Variants in PRKAA1 observed in about 807,000 individuals in gnomAD.
PRKAA1 encodes protein kinase AMP-activated catalytic subunit alpha 1, also known as 5'-AMP-activated protein kinase catalytic subunit alpha-1.
Under a neutral mutation model 56.9 loss-of-function variants are expected in PRKAA1, and 23 were observed. That is an observed-to-expected ratio of 0.40 (90% CI 0.29 to 0.57). The LOEUF (loss-of-function observed/expected upper bound fraction) is 0.57, where lower values mean the gene tolerates loss of function less well. PRKAA1 is among the 20% of genes least tolerant of loss of function. The pLI, the probability that PRKAA1 is intolerant of heterozygous loss-of-function variation, is 0.39. For missense variants in PRKAA1, 413 were observed against 679.7 expected, an observed-to-expected ratio of 0.61 and a Z score of 4.36; for synonymous variants, 226 against 227.0, an observed-to-expected ratio of 1.00 and a Z score of 0.04.
At position 40,769,448 on chromosome 5, in the gene PRKAA1, G is replaced by C; in HGVS notation, c.564C>G (p.Pro188=). ...GEFLRTSCGS[P]NYAAPEVISG... is the part of the protein sequence containing the mutation. Reference sequence around the variant, plus strand: ...AAATTACTTCTGGTGCAGCATAGTTGGGTGAGCCACAACTTGTTCTTAAAA... The same window carrying C: ...AAATTACTTCTGGTGCAGCATAGTTCGGTGAGCCACAACTTGTTCTTAAAA... Residue 188 remains proline, a synonymous_variant, in exon 5 of 9, where the codon CCC becomes CCG. Transcript: ENST00000397128. The C allele has an allele frequency of 6.2e-7, 1 of 1,610,958 alleles. No homozygotes were observed. The highest frequency in any genetic ancestry group is 8.5e-7 in the Non-Finnish European group (1 of 1,178,098).
chr5:40,782,470 T>A (rs535245918), intron 1 of PRKAA1, among the ~76,000 whole-genome samples: 3 of 151,772 alleles, frequency 2.0e-5, no homozygotes, highest in African/African-American at 7.2e-5. Flanking sequence ...AAAATAACAG[T>A]AAAGTGAGAA....
intron 1 of PRKAA1, among the ~76,000 whole-genome samples, chr5:40,779,682 AAAACTGC>A (rs1204950211): frequency 6.6e-6 from 1 of 152,184 alleles, no homozygotes; most frequent in Non-Finnish European, 1.5e-5. Flanking sequence ...AGATCGATCA[AAAACTGC>A]AATGGGTCAC....
chr5:40,764,859 C>T lies in PRKAA1; in HGVS notation c.1201G>A (p.Gly401Ser), dbSNP rs1055420381. 2 of 1,614,052 alleles carry T rather than the reference C, an allele frequency of 1.2e-6. No individual in the cohort carries two copies. Among genetic ancestry groups the T allele is most frequent in the South Asian group, 1.1e-5 (1 of 91,084 alleles). Residue 401 changes from glycine to serine, a missense_variant, in exon 7 of 9, where the codon GGT (glycine) becomes AGT (serine). By Grantham distance (56) the Gly-to-Ser change is moderately conservative. Transcript: ENST00000397128. ...AAATGCCATTTTGCTTTCCTTACAC[C>T]TTGGTGTTTGGATTTCTGTGGATTT... is the stretch of plus-strand genomic sequence containing the variant. ...ELNPQKSKHQ[G>S]VRKAKWHLGI...
chr5:40,785,843 G>GAGAGAC (rs1554033204), intron 1 of PRKAA1, among the ~76,000 whole-genome samples: 1 of 15,190 alleles, frequency 6.6e-5, no homozygotes, highest in Non-Finnish European at 1.7e-4. Flanking sequence ...CACACACAGA[G>GAGAGAC]AGAGAGAGAG....
At chr5:40,773,973 G>A (rs150088440) in intron 3 of PRKAA1, among the ~76,000 whole-genome samples, 3 of 152,316 alleles carry the variant, frequency 2.0e-5, no homozygotes, top group East Asian at 3.9e-4. Flanking sequence ...TCAGCTCCTG[G>A]AGCACTGGCA....
chr5:40,764,837 T>A lies in PRKAA1; in HGVS notation c.1223A>T (p.His408Leu). The change falls in exon 7 of 9, where the codon CAT becomes CTT. Residue 408 changes from histidine to leucine, a missense_variant. Around this residue, in one of 9 missense-constraint regions of PRKAA1, gnomAD observed 50 missense variants for 87.7 expected, o/e 0.57. Transcript: ENST00000397128. ...TCGACTTTGACTTCTAATTCCTAAATGCCATTTTGCTTTCCTTACACCTTG... is the reference window on the plus strand; with the variant it reads ...TCGACTTTGACTTCTAATTCCTAAAAGCCATTTTGCTTTCCTTACACCTTG... ...KHQGVRKAKWHLGIRSQSRPN... is the reference protein window; with the variant it reads ...KHQGVRKAKWLLGIRSQSRPN... 6.2e-7 allele frequency: 1 copy of A among 1,614,188 alleles called. No homozygotes were observed. Among genetic ancestry groups the A allele is most frequent in the Non-Finnish European group, 8.5e-7 (1 of 1,180,000 alleles).
chr5:40,789,514 T>G (rs1744630126), intron 1 of PRKAA1, among the ~76,000 whole-genome samples: 1 of 152,126 alleles, frequency 6.6e-6, no homozygotes, highest in Non-Finnish European at 1.5e-5. Context: ...TGAGTATATA[T>G]CCAAAGGAAT....
At chr5:40,777,382 T>A in intron 2 of PRKAA1, 63 bp downstream of exon 2, 1 of 1,494,750 alleles carries the variant, frequency 6.7e-7, no homozygotes, top group Non-Finnish European at 9.1e-7. Context: ...CTTGTCACAT[T>A]AAGTAGGTTA....
chr5:40,796,172 C>T (rs149146676), intron 1 of PRKAA1, among the ~76,000 whole-genome samples: 14 of 152,008 alleles, frequency 9.2e-5, no homozygotes, highest in Middle Eastern at 3.4e-3. Flanking sequence ...TGAAATTAGC[C>T]GGGTGTGGTG....
chr5:40,774,672 G>A, intron 3 of PRKAA1, among the ~76,000 whole-genome samples: 1 of 149,064 alleles, frequency 6.7e-6, no homozygotes, highest in South Asian at 2.1e-4. Flanking sequence ...GTTTGATTTT[G>A]ATAAAAGTAA....
intron 1 of PRKAA1, among the ~76,000 whole-genome samples, chr5:40,785,100 T>G (rs1437356197): frequency 5.9e-5 from 9 of 152,166 alleles, no homozygotes; most frequent in Admixed American, 5.9e-4. Context: ...CAAGAAATAT[T>G]TGAGTACCAG....
chr5:40,793,427 A>G (rs560836017), intron 1 of PRKAA1, among the ~76,000 whole-genome samples: 109 of 152,360 alleles, frequency 7.2e-4, no homozygotes, highest in Non-Finnish European at 5.6e-4. Flanking sequence ...GGCCTGTAAC[A>G]GGAAACAATC....
intron 3 of PRKAA1, among the ~76,000 whole-genome samples, chr5:40,772,619 G>T (rs956945146): frequency 2.3e-4 from 34 of 149,524 alleles, no homozygotes; most frequent in African/African-American, 5.9e-4. Flanking sequence ...GTGTTTTTTT[G>T]GGGGGGCGGG....
chr5:40,794,876 G>A (rs866897888), intron 1 of PRKAA1, among the ~76,000 whole-genome samples: 1 of 70,162 alleles, frequency 1.4e-5, no homozygotes, highest in African/African-American at 3.9e-5. Flanking sequence ...CTGAAAAGAA[G>A]TCATTATTCG....
intron 1 of PRKAA1, among the ~76,000 whole-genome samples, chr5:40,796,065 C>G (rs570443246): frequency 3.9e-5 from 6 of 152,264 alleles, no homozygotes; most frequent in African/African-American, 1.2e-4. Flanking sequence ...GCCTGTAATC[C>G]CAGCACTTTG....
intron 4 of PRKAA1, among the ~76,000 whole-genome samples, chr5:40,770,217 C>T (rs1157900516): frequency 1.3e-5 from 2 of 152,128 alleles, no homozygotes; most frequent in African/African-American, 2.4e-5. Flanking sequence ...AATCCCAGCA[C>T]TTTGGGAGGC....
At chr5:40,782,532 A>G (rs1744303458) in intron 1 of PRKAA1, among the ~76,000 whole-genome samples, 1 of 152,240 alleles carries the variant, frequency 6.6e-6, no homozygotes, top group African/African-American at 2.4e-5. Flanking sequence ...ATGAATAGAC[A>G]TTAAACTCAT....
At chr5:40,793,573 A>G (rs562571566) in intron 1 of PRKAA1, among the ~76,000 whole-genome samples, 4 of 152,344 alleles carry the variant, frequency 2.6e-5, no homozygotes, top group South Asian at 4.1e-4. Flanking sequence ...ACCAATATGT[A>G]TAAGTAATTT....
intron 5 of PRKAA1, chr5:40,768,337 A>C (rs935076125): frequency 1.4e-6 from 1 of 714,102 alleles, no homozygotes; most frequent in Non-Finnish European, 1.7e-6. Flanking sequence ...GAAAGACTTT[A>C]TCCAAACTAG....
Sources: allele counts gnomAD v4.1 joint callset (sites outside exome capture counted in the v4.1 genomes callset), GRCh38; gene constraint gnomAD v4.1.1; regional missense constraint gnomAD v4.1.1; transcripts MANE v1.5; gene names NCBI Gene and HGNC (gene_info 2026-07-23, HGNC 2026-07-21).